The following PARL variants were observed in gnomAD, a reference collection of about 807,000 sequenced individuals.
The protein encoded by PARL is presenilin-associated rhomboid-like protein, mitochondrial.
A neutral mutation model predicts 51.6 loss-of-function variants in PARL; 44 were observed. The observed-to-expected ratio is 0.85, with a 90% confidence interval of 0.67 to 1.10. The LOEUF (loss-of-function observed/expected upper bound fraction) is 1.10, where lower values mean the gene tolerates loss of function less well. Ranked by LOEUF, PARL falls within the 50% of genes least tolerant of loss-of-function variation. The probability of loss-of-function intolerance (pLI) is 0.00; values close to 1 mark genes in which losing one functional copy is unlikely to be tolerated. For synonymous variants in PARL, 172 were observed against 164.0 expected (o/e 1.05, Z -0.37); for missense variants, 441 against 469.5 (o/e 0.94, Z 0.56).
intron 7 of PARL, 79 bp downstream of exon 7, chr3:183,840,491 A>G: frequency 2.8e-6 from 2 of 717,572 alleles, no homozygotes; most frequent in Middle Eastern, 3.9e-4. Flanking sequence ...TCAATTTTAC[A>G]ACATTCTTCT....
rs1401913573 is a variant in PARL at position 183,882,222 on chromosome 3, A to AAAAAT, written c.125+2499_125+2500insATTTT. ...ATGTCTCTAAAAAAAAAAAAAAAAA[A>AAAAAT]ATATATATATATATATATATATTTA... On this transcript the variant is annotated intron_variant, in intron 1 of 9. Transcript: ENST00000317096. 4.5e-3 allele frequency among the ~76,000 whole-genome samples: 206 copies of AAAAAT among 46,100 alleles called. 5 individuals carry two copies. The highest frequency in any genetic ancestry group is 6.7e-3 in the Non-Finnish European group (167 of 25,094). 30.2% of individuals were successfully genotyped at this position (46,100 alleles called of 152,430 possible). A position where few individuals can be genotyped will look rare whatever the true frequency, so the allele number is the denominator to read the frequency against.
chr3:183,842,285 T>G lies in PARL; in HGVS notation c.757+13A>C. ...CTTATACTCTCAAAGGCCCCGAGAT[T>G]AAAGCATATTACCTGCAGATAGGTA... On this transcript the variant is annotated intron_variant, in intron 6 of 9. Transcript: ENST00000317096. 1 of 1,611,436 alleles carries G rather than the reference T, an allele frequency of 6.2e-7. No homozygotes were observed. The highest frequency in any genetic ancestry group is 8.5e-7 in the Non-Finnish European group (1 of 1,179,286).
intron 1 of PARL, among the ~76,000 whole-genome samples, chr3:183,872,904 C>T (rs1162208810): frequency 6.6e-6 from 1 of 152,174 alleles, no homozygotes; most frequent in African/African-American, 2.4e-5. Flanking sequence ...CAGACACTAA[C>T]CTTGACATTT....
intron 3 of PARL, among the ~76,000 whole-genome samples, chr3:183,864,349 G>A (rs976347101): frequency 1.3e-5 from 2 of 152,026 alleles, no homozygotes; most frequent in African/African-American, 4.8e-5. Flanking sequence ...GAAAAGTAAA[G>A]AAGATATCAA....
rs763555163 is a variant in PARL at position 183,866,809 on chromosome 3, A to C, written c.322-44T>G. On this transcript the variant is annotated intron_variant, in intron 2 of 9. Transcript: ENST00000317096. ...ATTACAAAATAGATTTAAGAGGGAA[A>C]TAGATCTATACATTATTTCCAAGGA... 20 of 1,314,330 alleles carry C rather than the reference A, an allele frequency of 1.5e-5. 1 individual carries two copies. The South Asian group carries it at 2.3e-4, about 15-fold the overall frequency. 81.4% of individuals were successfully genotyped at this position (1,314,330 alleles called of 1,614,324 possible). A position where few individuals can be genotyped will look rare whatever the true frequency, so the allele number is the denominator to read the frequency against.
intron 7 of PARL, among the ~76,000 whole-genome samples, chr3:183,839,751 G>T (rs1462725380): frequency 6.7e-6 from 1 of 149,734 alleles, no homozygotes; most frequent in East Asian, 2.0e-4. Flanking sequence ...TTTTTTTTTT[G>T]AGATAGGGTC....
intron 4 of PARL, among the ~76,000 whole-genome samples, chr3:183,850,876 TCA>T (rs1172378483): frequency 6.6e-6 from 1 of 152,176 alleles, no homozygotes; most frequent in Non-Finnish European, 1.5e-5. Flanking sequence ...GTTGGAAGAC[TCA>T]CAATTCATAG....
intron 1 of PARL, among the ~76,000 whole-genome samples, chr3:183,877,293 CA>C (rs1733960914): frequency 6.6e-6 from 1 of 152,156 alleles, no homozygotes; most frequent in Non-Finnish European, 1.5e-5. Context: ...ATCTCATGAT[CA>C]AACTTGAACA....
intron 6 of PARL, among the ~76,000 whole-genome samples, chr3:183,842,043 C>T (rs1044799890): frequency 2.0e-5 from 3 of 152,212 alleles, no homozygotes; most frequent in East Asian, 3.8e-4. Context: ...CTAACCCTTA[C>T]TTAACGCCTG....
At chr3:183,826,712 C>T (rs1411788228), downstream of PARL, 12 of 985,238 alleles carry the variant, frequency 1.2e-5, no homozygotes, top group African/African-American at 5.2e-5. Flanking sequence ...GCAGGCGAGG[C>T]GCCAGGTGTA....
intron 3 of PARL, among the ~76,000 whole-genome samples, chr3:183,866,351 T>C (rs76298690): frequency 0.033 from 4,984 of 152,278 alleles, 267 homozygotes; most frequent in African/African-American, 0.11. Context: ...TAAAAGCACT[T>C]CATAAATAAC....
rs557532083 is a variant in PARL, at chr3:183,879,631, G to A, written c.125+5091C>T. 16 of 488,728 alleles carry A rather than the reference G, an allele frequency of 3.3e-5. No homozygotes were observed. The South Asian group carries it at 1.1e-3, about 35-fold the overall frequency. The allele number at this position is 488,728 out of a possible 1,614,324, so 30.3% of individuals were successfully genotyped here. On this transcript the variant is annotated intron_variant, in intron 1 of 9. Coordinates refer to ENST00000317096, the MANE Select transcript of PARL (RefSeq NM_018622.7). ...CAGTTAAGAGTTTGGTTTTCTATTGGAATAAGGATGCTTTTAGATGTAGTA... is the reference window on the plus strand; with the variant it reads ...CAGTTAAGAGTTTGGTTTTCTATTGAAATAAGGATGCTTTTAGATGTAGTA...
chr3:183,837,549 C>T (rs759623129), intron 7 of PARL, among the ~76,000 whole-genome samples: 2 of 152,128 alleles, frequency 1.3e-5, no homozygotes, highest in Non-Finnish European at 2.9e-5. Context: ...AGCCTGCACG[C>T]CCTCAGCTCC....
intron 1 of PARL, chr3:183,883,873 T>C (rs1032173097): frequency 6.1e-6 from 1 of 163,856 alleles, no homozygotes; most frequent in Middle Eastern, 3.1e-3. Context: ...TCCTTGAGAT[T>C]AGGCAATGGC....
At chr3:183,869,686 C>T (rs1238270228) in intron 1 of PARL, among the ~76,000 whole-genome samples, 3 of 152,046 alleles carry the variant, frequency 2.0e-5, no homozygotes, top group Non-Finnish European at 4.4e-5. Flanking sequence ...AAAAGCAGAG[C>T]TCGGGTAGGT....
chr3:183,867,254 A>G lies in PARL; in HGVS notation c.322-489T>C, dbSNP rs113228562. On this transcript the variant is annotated intron_variant, in intron 2 of 9. Coordinates refer to ENST00000317096, the MANE Select transcript of PARL (RefSeq NM_018622.7). ...TTTCCCATTGTATTAACTTCACAATACCCTGGGGCCTGTTTCCAGCTATAA... is the reference window on the plus strand; with the variant it reads ...TTTCCCATTGTATTAACTTCACAATGCCCTGGGGCCTGTTTCCAGCTATAA... Among the ~76,000 whole-genome samples the G allele has an allele frequency of 5.3e-5, 8 of 152,234 alleles. 1 individual carries two copies. The highest frequency in any genetic ancestry group is 1.9e-4 in the East Asian group (1 of 5,182).
intron 3 of PARL, among the ~76,000 whole-genome samples, chr3:183,866,064 G>C (rs1264543817): frequency 6.6e-6 from 1 of 151,988 alleles, no homozygotes; most frequent in African/African-American, 2.4e-5. Context: ...ATTTTCAGTA[G>C]AGATGGGATT....
intron 1 of PARL, among the ~76,000 whole-genome samples, chr3:183,883,955 C>T (rs1207074270): frequency 6.6e-6 from 1 of 152,208 alleles, no homozygotes; most frequent in South Asian, 2.1e-4. Context: ...TTCTTATCAG[C>T]AATCAGGTGG....
intron 1 of PARL, among the ~76,000 whole-genome samples, chr3:183,879,362 C>CA (rs900548460): frequency 6.6e-6 from 1 of 152,110 alleles, no homozygotes; most frequent in African/African-American, 2.4e-5. Context: ...GAGAAGACAA[C>CA]TTTTTTTTCT....
Sources: allele counts gnomAD v4.1 joint callset (sites outside exome capture counted in the v4.1 genomes callset), GRCh38; gene constraint gnomAD v4.1.1; transcripts MANE v1.5; gene names NCBI Gene and HGNC (gene_info 2026-07-23, HGNC 2026-07-21).